ZNF75D: variants seen among roughly 807,000 people sequenced by gnomAD.
The protein encoded by ZNF75D is zinc finger protein 75D.
ZNF75D carries 33 observed loss-of-function variants against 33.3 expected under a neutral mutation model. That is an observed-to-expected ratio of 0.99 (90% CI 0.75 to 1.32). The LOEUF (loss-of-function observed/expected upper bound fraction) is 1.32. Ranked by LOEUF, ZNF75D falls within the 40% of genes most tolerant of loss-of-function variation. The pLI is 0.00. For missense variants in ZNF75D, 338 were observed against 367.5 expected (o/e 0.92, Z 0.66); for synonymous variants, 113 against 130.6 (o/e 0.87, Z 0.92).
At chrX:135,264,074 T>G (rs1171483730) in intron 1 of ZNF75D, among the ~76,000 whole-genome samples, 1 of 111,842 alleles carries the variant, frequency 8.9e-6, no homozygotes, top group Non-Finnish European at 1.9e-5. Flanking sequence ...TACCTGAGAC[T>G]GGGCAATTTA....
chrX:135,310,701 T>A (rs1450867192), intron 1 of ZNF75D, among the ~76,000 whole-genome samples: 2 of 111,353 alleles, frequency 1.8e-5, no homozygotes, highest in East Asian at 5.7e-4. Flanking sequence ...CTCCCCCACC[T>A]ACATCTAAGG....
chrX:135,257,541 C>T (rs781867875), intron 1 of ZNF75D, among the ~76,000 whole-genome samples: 7 of 113,233 alleles, frequency 6.2e-5, no homozygotes, highest in Non-Finnish European at 1.3e-4. Context: ...TTACTCTAAT[C>T]CCTGGCTCCC....
At chrX:135,300,066 TCTC>T in intron 1 of ZNF75D, among the ~76,000 whole-genome samples, 1 of 112,256 alleles carries the variant, frequency 8.9e-6, no homozygotes, top group Non-Finnish European at 1.9e-5. Flanking sequence ...ATATCTTTGT[TCTC>T]CTTTTTCAAA....
chrX:135,268,611 T>C (rs182040131), intron 1 of ZNF75D, among the ~76,000 whole-genome samples: 35 of 110,486 alleles, frequency 3.2e-4, no homozygotes, highest in Non-Finnish European at 5.5e-4. Context: ...CACAAAATAA[T>C]AGAAAGATAT....
intron 1 of ZNF75D, among the ~76,000 whole-genome samples, chrX:135,322,150 G>A (rs998208239): frequency 8.9e-5 from 10 of 112,010 alleles, no homozygotes; most frequent in African/African-American, 2.9e-4. Flanking sequence ...CAGCTGGACC[G>A]GCAAAGCAGA....
intron 6 of ZNF75D, among the ~76,000 whole-genome samples, chrX:135,289,611 GACACACACACACACAGACACAC>G (rs1416219846): frequency 1.7e-4 from 14 of 82,097 alleles, no homozygotes; most frequent in African/African-American, 6.5e-4. Flanking sequence ...GTGAGACTCT[GACACACACACACACAGACACAC>G]ACACACACAC....
Position 135,263,854 on chromosome X carries a change from C to T in ZNF75D, n.828-8077G>A, listed in dbSNP as rs151182564. 4.1e-3 allele frequency among the ~76,000 whole-genome samples: 460 copies of T among 112,397 alleles called. 3 individuals are homozygous for T. Among genetic ancestry groups the T allele is most frequent in the African/African-American group, 0.014 (447 of 30,953 alleles). ...TCCAACCAGTCCCAGTGAGATGAAA[C>T]AGGTACCTCAGTTGGAAATGTAGAA... On this transcript the variant is annotated intron_variant and non_coding_transcript_variant, in intron 1 of 3. Transcript: ENST00000494295.
chrX:135,311,245 A>T (rs1462827668), intron 1 of ZNF75D, among the ~76,000 whole-genome samples: 1 of 111,764 alleles, frequency 8.9e-6, no homozygotes, highest in African/African-American at 3.3e-5. Context: ...AGTAGACAAA[A>T]TCGCTGAGAA....
intron 6 of ZNF75D, among the ~76,000 whole-genome samples, chrX:135,288,839 G>C (rs1447125429): frequency 8.9e-6 from 1 of 112,651 alleles, no homozygotes; most frequent in Non-Finnish European, 1.9e-5. Flanking sequence ...ATTCACTGTA[G>C]CAGCACTTTA....
At chrX:135,291,619 A>T (rs2084041610) in intron 4 of ZNF75D, 56 bp from the exon 5 acceptor site, 1 of 1,178,725 alleles carries the variant, frequency 8.5e-7, no homozygotes, top group South Asian at 1.9e-5. Flanking sequence ...AAACATCCCA[A>T]GCTGATTTCT....
At chrX:135,269,959 G>C (rs1556416738) in intron 1 of ZNF75D, among the ~76,000 whole-genome samples, 1 of 111,023 alleles carries the variant, frequency 9.0e-6, no homozygotes, top group Non-Finnish European at 1.9e-5. Flanking sequence ...GATAAAAGCG[G>C]AGGTCATTAT....
Position 135,287,639 on chromosome X carries a change from C to T in ZNF75D, c.1031G>A (p.Cys344Tyr). ...PRKKRKKPAT[C>Y]KQELPKLMDL... ...CATAAGTTTTGGAAGCTCTTGTTTA[C>T]AAGTTGCAGGTTTCTTTCTTTTCTT... The change falls in exon 7 of 7, where the codon TGT becomes TAT. Residue 344 changes from cysteine (C) to tyrosine (Y), a missense_variant. Around this residue, in one of 3 missense-constraint regions of ZNF75D, gnomAD observed 254 missense variants for 267.7 expected, o/e 0.95. Transcript: ENST00000370766. 1 of 1,211,066 alleles carries T rather than the reference C, an allele frequency of 8.3e-7. No homozygotes were observed. The highest frequency in any genetic ancestry group is 3.0e-5 in the East Asian group (1 of 33,866).
At chrX:135,270,352 CATATATATATATATATATAT>C (rs530211370) in intron 1 of ZNF75D, among the ~76,000 whole-genome samples, 81 of 63,504 alleles carry the variant, frequency 1.3e-3, no homozygotes, top group Non-Finnish European at 2.2e-3. Flanking sequence ...CAAAATATCT[CATATATATATATATATATAT>C]ATATATATAT....
At chrX:135,274,864 T>A (rs1486668245) in intron 1 of ZNF75D, among the ~76,000 whole-genome samples, 1 of 112,213 alleles carries the variant, frequency 8.9e-6, no homozygotes, top group Non-Finnish European at 1.9e-5. Flanking sequence ...TATCTATAAA[T>A]GCCCATATCT....
At position 135,294,106 on chromosome X, in the gene ZNF75D, G is replaced by A. The variant is rs782130230; in HGVS notation, c.35C>T (p.Ser12Leu). ...CCACATAGCCCCCATCTGGGGGCTT[G>A]AGCATGAATCCGCGTTCAGCTCTCT... Reference protein sequence around the residue: ...AMRELNADSCSSPQMGAMWET... With the variant: ...AMRELNADSCLSPQMGAMWET... Residue 12 changes from serine (S) to leucine (L), a missense_variant, in exon 3 of 7, where the codon TCA (serine) becomes TTA (leucine). By Grantham distance (145) the Ser-to-Leu change is moderately radical. Coordinates refer to ENST00000370766, the MANE Select transcript of ZNF75D (RefSeq NM_007131.5). 5.8e-6 allele frequency: 7 copies of A among 1,201,406 alleles called. No homozygotes were observed. The highest frequency in any genetic ancestry group is 1.8e-5 in the South Asian group (1 of 55,387).
rs1390953041 is a variant in ZNF75D, at chrX:135,257,790, A to G, written n.828-2013T>C. Among the ~76,000 whole-genome samples, 5 of 112,270 alleles carry G rather than the reference A, an allele frequency of 4.5e-5. No homozygotes were observed. In the East Asian group the frequency reaches 1.4e-3, roughly 31 times the overall value. ...GGGGAGGTCTCCGCATGGCAATCCAAGGAATTCTTAGAGATCTTTTATTAT... is the reference window on the plus strand; with the variant it reads ...GGGGAGGTCTCCGCATGGCAATCCAGGGAATTCTTAGAGATCTTTTATTAT... On this transcript the variant is annotated intron_variant and non_coding_transcript_variant, in intron 1 of 3. Transcript: ENST00000494295.
chrX:135,283,919 C>T (rs2083930425), downstream of ZNF75D, among the ~76,000 whole-genome samples: 1 of 111,816 alleles, frequency 8.9e-6, no homozygotes, highest in South Asian at 3.8e-4. Flanking sequence ...CAAGCAATGG[C>T]ATTCGGCTCC....
chrX:135,340,201 T>C (rs1477779001), intron 1 of ZNF75D, among the ~76,000 whole-genome samples: 2 of 112,293 alleles, frequency 1.8e-5, no homozygotes, highest in Non-Finnish European at 3.8e-5. Context: ...TATGGAAAAG[T>C]TGGAAAAACT....
At chrX:135,268,288 G>A (rs145611773) in intron 1 of ZNF75D, among the ~76,000 whole-genome samples, 341 of 104,633 alleles carry the variant, frequency 3.3e-3, no homozygotes, top group Non-Finnish European at 4.9e-3. Context: ...AGAAATAAAG[G>A]GCATTAAAAT....
Sources: gnomAD v4.1 joint callset for allele counts (sites outside exome capture counted in the v4.1 genomes callset) on GRCh38, gnomAD v4.1.1 for gene constraint, gnomAD v4.1.1 regional missense constraint, MANE v1.5 for transcripts, NCBI Gene and HGNC (gene_info 2026-07-23, HGNC 2026-07-21) for gene names.